Variants in GORASP2 observed in about 807,000 individuals in gnomAD.
GORASP2 encodes the protein Golgi reassembly-stacking protein 2.
A neutral mutation model predicts 45.7 loss-of-function variants in GORASP2; 22 were observed. The observed-to-expected ratio is 0.48, with a 90% confidence interval of 0.34 to 0.69. GORASP2 has a LOEUF of 0.69. Among genes scored for constraint, GORASP2 ranks in the 30% least tolerant of loss-of-function variants. The pLI is 0.01. For missense variants in GORASP2, 491 were observed against 562.7 expected (o/e 0.87, Z 1.29); for synonymous variants, 221 against 215.6 (o/e 1.02, Z -0.22).
intron 1 of GORASP2, among the ~76,000 whole-genome samples, chr2:170,946,203 C>T (rs368694500): frequency 6.6e-6 from 1 of 151,856 alleles, no homozygotes; most frequent in Non-Finnish European, 1.5e-5. Context: ...CAGGGGTCTC[C>T]CTATATTGCC....
At chr2:170,931,097 G>GA (rs148814422) in intron 1 of GORASP2, among the ~76,000 whole-genome samples, 3,402 of 152,218 alleles carry the variant, frequency 0.022, 114 homozygotes, top group African/African-American at 0.07. Flanking sequence ...GCAGTCAAGT[G>GA]AAACAGCATT....
chr2:170,966,053 A>G lies in GORASP2; in HGVS notation c.1282A>G (p.Arg428Gly). 6.2e-7 allele frequency: 1 copy of G among 1,614,060 alleles called. No individual in the cohort carries two copies. Among genetic ancestry groups the G allele is most frequent in the South Asian group, 1.1e-5 (1 of 91,070 alleles). Reference protein sequence around the residue: ...TAKAPTTVEDRVGDSTPVSEK... With the variant: ...TAKAPTTVEDGVGDSTPVSEK... Reference sequence around the variant, plus strand: ...CAAGGCCCCCACCACCGTTGAGGACAGAGTCGGCGACTCCACCCCAGTCAG... The same window carrying G: ...CAAGGCCCCCACCACCGTTGAGGACGGAGTCGGCGACTCCACCCCAGTCAG... Residue 428 changes from arginine (R) to glycine (G), a missense_variant, in exon 10 of 10, where the codon AGA becomes GGA. Transcript: ENST00000234160.
intron 1 of GORASP2, among the ~76,000 whole-genome samples, chr2:170,938,859 AG>A (rs1343479245): frequency 1.3e-5 from 2 of 152,122 alleles, no homozygotes; most frequent in African/African-American, 4.8e-5. Context: ...CAGGCATGGC[AG>A]TGGGCGCCTG....
chr2:170,949,503 T>A, intron 2 of GORASP2, 36 bp from the exon 3 acceptor site: 1 of 1,521,832 alleles, frequency 6.6e-7, no homozygotes, highest in Non-Finnish European at 9.1e-7. Flanking sequence ...ATTAAATTTT[T>A]ATTTACTAAG....
In GORASP2 at chr2:170,954,267, C is replaced by T. The variant is rs199736973; in HGVS notation, c.567-383C>T. On this transcript the variant is annotated intron_variant, in intron 5 of 9. Coordinates refer to ENST00000234160, the MANE Select transcript of GORASP2 (RefSeq NM_015530.5). The stretch of plus-strand genomic sequence containing the variant: ...TAATCATCAAATGTCTGCCATGTGC[C>T]GGCAGCTATGAAGGCAGTAAACAGA... The T allele has an allele frequency of 5.7e-3, 938 of 164,858 alleles. 6 individuals are homozygous for T. Among genetic ancestry groups the T allele is most frequent in the African/African-American group, 7.5e-3 (316 of 41,950 alleles). 10.2% of individuals were successfully genotyped at this position (164,858 alleles called of 1,614,324 possible). A position where few individuals can be genotyped will look rare whatever the true frequency, so the allele number is the denominator to read the frequency against.
chr2:170,951,302 C>T (rs771510077), intron 4 of GORASP2, 26 bp from the exon 5 acceptor site: 10 of 1,573,412 alleles, frequency 6.4e-6, no homozygotes, highest in Non-Finnish European at 8.6e-6. Flanking sequence ...TAACGTGAAA[C>T]ATTTTCTCCT....
chr2:170,956,949 AAG>A (rs1446629166), intron 7 of GORASP2, among the ~76,000 whole-genome samples: 2 of 152,168 alleles, frequency 1.3e-5, no homozygotes, highest in African/African-American at 4.8e-5. Context: ...ATTTTTAAAA[AAG>A]AATTTAAAAA....
intron 6 of GORASP2, 22 bp from the exon 7 acceptor site, chr2:170,956,413 GT>G (rs574067455): frequency 7.5e-5 from 115 of 1,523,326 alleles, no homozygotes; most frequent in Middle Eastern, 1.7e-4. Context: ...TAATCTTTGT[GT>G]TTTTTTTTCT....
chr2:170,931,529 A>G (rs1703822846), intron 1 of GORASP2, among the ~76,000 whole-genome samples: 1 of 152,208 alleles, frequency 6.6e-6, no homozygotes, highest in Admixed American at 6.5e-5. Flanking sequence ...CAAGTTCTAG[A>G]ACGATTTAAT....
chr2:170,936,758 C>A (rs72876669), intron 1 of GORASP2: 4 of 607,708 alleles, frequency 6.6e-6, no homozygotes, highest in African/African-American at 5.7e-5. Context: ...TTTAAGACCA[C>A]GCTGGGCAAC....
rs565177580 is a variant in GORASP2 at position 170,934,215 on chromosome 2, A to T, written c.63+4812A>T. Among the ~76,000 whole-genome samples the T allele has an allele frequency of 2.7e-5, 4 of 148,658 alleles. No individual in the cohort carries two copies. In the South Asian group the frequency reaches 8.5e-4, roughly 32 times the overall value. ...TCATTGTCTTCTTTATTCTTCTAACAGTCTTTCTCAAACTTTTGAAACTCA... is the reference window on the plus strand; with the variant it reads ...TCATTGTCTTCTTTATTCTTCTAACTGTCTTTCTCAAACTTTTGAAACTCA... On this transcript the variant is annotated intron_variant, in intron 1 of 9. Coordinates refer to ENST00000234160, the MANE Select transcript of GORASP2 (RefSeq NM_015530.5).
intron 9 of GORASP2, 140 bp from the exon 10 acceptor site, chr2:170,965,650 A>T: frequency 1.5e-6 from 1 of 656,956 alleles, no homozygotes. Context: ...CTCTATCTGG[A>T]AATCAGCCAA....
intron 7 of GORASP2, among the ~76,000 whole-genome samples, chr2:170,957,214 G>A (rs1449435622): frequency 6.6e-6 from 1 of 152,184 alleles, no homozygotes; most frequent in African/African-American, 2.4e-5. Flanking sequence ...GGATGCAAAA[G>A]TGAGTAGGAA....
At chr2:170,929,898 G>C (rs1703778052) in intron 1 of GORASP2, 2 of 403,456 alleles carry the variant, frequency 5.0e-6, no homozygotes, top group Non-Finnish European at 1.1e-5. Context: ...CGAGTGGCCT[G>C]AAAGACCAGC....
At chr2:170,937,261 T>C (rs1703979538) in intron 1 of GORASP2, among the ~76,000 whole-genome samples, 1 of 151,890 alleles carries the variant, frequency 6.6e-6, no homozygotes, top group Non-Finnish European at 1.5e-5. Context: ...CAGGCTGGAG[T>C]GCAGTGTCAC....
chr2:170,933,755 CAGTGTGGAGACTGTGTGG>C (rs1303091875), intron 1 of GORASP2, among the ~76,000 whole-genome samples: 1 of 152,126 alleles, frequency 6.6e-6, no homozygotes, highest in Non-Finnish European at 1.5e-5. Flanking sequence ...AGCAAGTATT[CAGTGTGGAGACTGTGTGG>C]AGTGTGGAGA....
rs1703767387 is a variant in GORASP2, at chr2:170,929,653, T to C, written c.63+250T>C. The C allele has an allele frequency of 8.2e-6, 5 of 611,756 alleles. No homozygotes were observed. In the South Asian group the frequency reaches 8.5e-5, roughly 10 times the overall value. 37.9% of individuals were successfully genotyped at this position (611,756 alleles called of 1,614,324 possible). On this transcript the variant is annotated intron_variant, in intron 1 of 9. Transcript: ENST00000234160. ...GGAGCTGGAGGCGGCTGCCGGCGAC[T>C]CGGCCAGGGGGCGGCCCTGGGAAGG...
Position 170,949,555 on chromosome 2 carries a change from C to T in GORASP2, c.161C>T (p.Thr54Ile), listed in dbSNP as rs1215618740. Residue 54 changes from threonine to isoleucine, a missense_variant, in exon 3 of 10, where the codon ACT (threonine) becomes ATT (isoleucine). Physicochemically the swap from Thr to Ile is moderately conservative, Grantham distance 89. Coordinates refer to ENST00000234160, the MANE Select transcript of GORASP2 (RefSeq NM_015530.5). ...TGTTCACAGAATAAAGACAATGACA[C>T]TCTTAAGGATCTGCTGAAAGCAAAC... ...NGSRLNKDND[T>I]LKDLLKANVE... is the part of the protein sequence containing the mutation. 1.7e-5 allele frequency: 28 copies of T among 1,613,014 alleles called. No individual in the cohort carries two copies. The highest frequency in any genetic ancestry group is 2.3e-5 in the Non-Finnish European group (27 of 1,179,144).
chr2:170,929,446 G>T, intron 1 of GORASP2, 43 bp downstream of exon 1: 1 of 1,317,614 alleles, frequency 7.6e-7, no homozygotes, highest in African/African-American at 1.5e-5. Context: ...GGCTGGAGGC[G>T]GGGCCGGCCG....
Sources: allele counts gnomAD v4.1 joint callset (sites outside exome capture counted in the v4.1 genomes callset), GRCh38; gene constraint gnomAD v4.1.1; transcripts MANE v1.5; gene names NCBI Gene and HGNC (gene_info 2026-07-23, HGNC 2026-07-21).